Variants in RYR1 observed in about 807,000 individuals in gnomAD.
RYR1 encodes the protein central core disease of muscle.
In RYR1, 342 loss-of-function variants were observed where a neutral mutation model predicts 583.5. That is an observed-to-expected ratio of 0.59 (90% CI 0.54 to 0.64). The LOEUF (loss-of-function observed/expected upper bound fraction) is 0.64. Among genes scored for constraint, RYR1 ranks in the 30% least tolerant of loss-of-function variants. RYR1 has a pLI of 0.00. For missense variants in RYR1, 6,032 were observed against 6,917.2 expected (o/e 0.87, Z 4.54); for synonymous variants, 2,791 against 2,822.5 (o/e 0.99, Z 0.35).
intron 31 of RYR1, among the ~76,000 whole-genome samples, chr19:38,482,506 G>A (rs775314136): frequency 4.6e-5 from 7 of 152,162 alleles, no homozygotes; most frequent in East Asian, 1.9e-4. Context: ...GCTGAAGTGC[G>A]GTGGTGCAAT....
chr19:38,548,075 G>A lies in RYR1; in HGVS notation c.12095-158G>A, dbSNP rs180992075. The stretch of plus-strand genomic sequence containing the variant: ...CAGGATCAGCCAGGTTGGCACAGGA[G>A]GCTGACGCAGGTCAGGAAGGGACCT... On this transcript the variant is annotated intron_variant, in intron 88 of 105. Transcript: ENST00000359596. Among the ~76,000 whole-genome samples, 673 of 152,274 alleles carry A rather than the reference G, an allele frequency of 4.4e-3. 6 individuals carry two copies. Among genetic ancestry groups the A allele is most frequent in the African/African-American group, 0.015 (621 of 41,554 alleles).
At chr19:38,508,385 G>A (rs1255660317) in intron 58 of RYR1, among the ~76,000 whole-genome samples, 1 of 151,950 alleles carries the variant, frequency 6.6e-6, no homozygotes, top group Non-Finnish European at 1.5e-5. Context: ...CTAATTTTTT[G>A]TATTTTTTAG....
Position 38,527,049 on chromosome 19 carries a change from A to G in RYR1, c.10683A>G (p.Gly3561=). Residue 3561 remains glycine (G), a synonymous_variant, in exon 72 of 106, where the codon GGA becomes GGG. Coordinates refer to ENST00000359596, the MANE Select transcript of RYR1 (RefSeq NM_000540.3). The part of the protein sequence containing the change: ...EFLHNNLHLQ[G]KVEGSPSLRW... ...TGCACAACAACCTTCACCTTCAGGG[A>G]AAGGTATGCCTCCTTCCTCTGCAAG... The G allele has an allele frequency of 6.2e-7, 1 of 1,613,838 alleles. No homozygotes were observed. The highest frequency in any genetic ancestry group is 1.1e-5 in the South Asian group (1 of 91,066).
chr19:38,548,427 G>A lies in RYR1; in HGVS notation c.12282+7G>A. 6.2e-7 allele frequency: 1 copy of A among 1,612,678 alleles called. No homozygotes were observed. Among genetic ancestry groups the A allele is most frequent in the East Asian group, 2.2e-5 (1 of 44,852 alleles). On this transcript the variant is annotated splice_region_variant and intron_variant, in intron 89 of 105. Coordinates refer to ENST00000359596, the MANE Select transcript of RYR1 (RefSeq NM_000540.3). ...CAAGAAGGACTTCCAGAAGGTGGGT[G>A]TGGGACATCGTGTGGGCCCAGGACT... is the stretch of plus-strand genomic sequence containing the variant.
In RYR1 at chr19:38,587,486, C is replaced by T; in HGVS notation, c.*66C>T. On this transcript the variant is annotated 3_prime_UTR_variant, in exon 106 of 106. Transcript: ENST00000359596. The stretch of plus-strand genomic sequence containing the variant: ...TATTCTCACAGCAAGCCCCTTAGTC[C>T]CCAAGCCCCTCCCCCTAAGGCAGCT... 1 of 1,148,848 alleles carries T rather than the reference C, an allele frequency of 8.7e-7. No homozygotes were observed. Among genetic ancestry groups the T allele is most frequent in the East Asian group, 2.3e-5 (1 of 42,650 alleles). The allele number at this position is 1,148,848 out of a possible 1,614,324, so 71.2% of individuals were successfully genotyped here.
chr19:38,563,726 T>G (rs1042806566), intron 90 of RYR1, among the ~76,000 whole-genome samples: 3 of 152,234 alleles, frequency 2.0e-5, no homozygotes, highest in African/African-American at 7.2e-5. Flanking sequence ...ACCCAGCTAC[T>G]CAGTGGCAGA....
intron 105 of RYR1, 91 bp downstream of exon 105, chr19:38,586,667 A>G: frequency 7.9e-7 from 1 of 1,263,020 alleles, no homozygotes; most frequent in Non-Finnish European, 1.2e-6. Flanking sequence ...AGCTCCTATC[A>G]ATATCAAGGG....
intron 89 of RYR1, among the ~76,000 whole-genome samples, chr19:38,554,250 G>A (rs370859622): frequency 4.3e-4 from 60 of 138,628 alleles, no homozygotes; most frequent in African/African-American, 1.5e-3. Context: ...TCAGGAGTTC[G>A]AGACCAGCCT....
At chr19:38,535,905 C>T (rs1971941748) in intron 81 of RYR1, 92 bp from the exon 82 acceptor site, 1 of 1,157,082 alleles carries the variant, frequency 8.6e-7, no homozygotes, top group Non-Finnish European at 1.3e-6. Flanking sequence ...TGTGGCTCTC[C>T]AGGCTACCAT....
rs764839238 is a variant in RYR1, at chr19:38,517,564, C to A, written c.9891C>A (p.Pro3297=). The A allele has an allele frequency of 6.2e-7, 1 of 1,613,834 alleles. No individual in the cohort carries two copies. The highest frequency in any genetic ancestry group is 8.5e-7 in the Non-Finnish European group (1 of 1,179,850). Residue 3297 remains proline (P), a synonymous_variant, in exon 66 of 106, where the codon CCC becomes CCA. Coordinates refer to ENST00000359596, the MANE Select transcript of RYR1 (RefSeq NM_000540.3). ...RGPEAPPSAL[P]AGAPPPCTAV... ...CCGAGGCACCCCCTTCCGCCCTGCC[C>A]GCCGGCGCCCCCCCACCCTGCACAG...
chr19:38,492,672 GGGGT>G, intron 38 of RYR1, 36 bp downstream of exon 38: 1 of 1,550,326 alleles, frequency 6.5e-7, no homozygotes, highest in Non-Finnish European at 8.8e-7. Context: ...GGGCAGGGGT[GGGGT>G]GGGTAGCCCC....
chr19:38,449,219 G>A (rs1422582069), intron 11 of RYR1, among the ~76,000 whole-genome samples: 1 of 152,186 alleles, frequency 6.6e-6, no homozygotes, highest in Non-Finnish European at 1.5e-5. Context: ...TAGCACTTTG[G>A]GAGGCCCAGG....
chr19:38,581,568 C>T (rs1954344444), intron 101 of RYR1, among the ~76,000 whole-genome samples: 1 of 151,916 alleles, frequency 6.6e-6, no homozygotes, highest in South Asian at 2.1e-4. Flanking sequence ...ACCTCTTCGC[C>T]ATTGTTTCAA....
intron 101 of RYR1, among the ~76,000 whole-genome samples, chr19:38,582,597 G>T (rs1320276456): frequency 1.3e-5 from 2 of 152,070 alleles, no homozygotes; most frequent in African/African-American, 4.8e-5. Context: ...GTTGCAGTGT[G>T]CTATGACTGC....
Position 38,460,477 on chromosome 19 carries a change from T to A in RYR1, c.2463T>A (p.His821Gln), listed in dbSNP as rs757026349. The A allele has an allele frequency of 6.2e-7, 1 of 1,614,230 alleles. No homozygotes were observed. The highest frequency in any genetic ancestry group is 8.5e-7 in the Non-Finnish European group (1 of 1,180,038). Reference protein sequence around the residue: ...HEAVLPRERLHLEPIKEYRRE... With the variant: ...HEAVLPRERLQLEPIKEYRRE... ...CTGTGCTCCCTCGAGAGCGACTCCA[T>A]CTTGAACCCATCAAGGAGTATCGAC... Residue 821 changes from histidine to glutamine, a missense_variant, in exon 20 of 106, where the codon CAT (histidine) becomes CAA (glutamine). Around this residue, in one of 11 missense-constraint regions of RYR1, gnomAD observed 2,627 missense variants for 2,961.3 expected, o/e 0.89. Transcript: ENST00000359596.
rs1014124025 is a variant in RYR1, at chr19:38,564,517, CT to C, written c.12625-427del. Among the ~76,000 whole-genome samples, 150 of 143,580 alleles carry C rather than the reference CT, an allele frequency of 1.0e-3. 1 individual carries two copies. Among genetic ancestry groups the C allele is most frequent in the East Asian group, 3.4e-3 (17 of 4,940 alleles). The allele number at this position is 143,580 out of a possible 152,430, so 94.2% of individuals were successfully genotyped here. On this transcript the variant is annotated intron_variant, in intron 90 of 105. Coordinates refer to ENST00000359596, the MANE Select transcript of RYR1 (RefSeq NM_000540.3). ...CCTAGGAGACAGAGCTAGATCTTGT[CT>C]TTTTTTTTTTTTTTCTTGAGACAGA...
In RYR1 at chr19:38,517,593, T is replaced by C; in HGVS notation, c.9920T>C (p.Val3307Ala). The C allele has an allele frequency of 6.2e-7, 1 of 1,614,072 alleles. No homozygotes were observed. Among genetic ancestry groups the C allele is most frequent in the Non-Finnish European group, 8.5e-7 (1 of 1,179,936 alleles). Residue 3307 changes from valine (V) to alanine (A), a missense_variant, in exon 66 of 106, where the codon GTC (valine) becomes GCC (alanine). Val to Ala is a moderately conservative substitution (Grantham distance 64). Around this residue, in one of 11 missense-constraint regions of RYR1, gnomAD observed 1,493 missense variants for 1,715.5 expected, o/e 0.87. Coordinates refer to ENST00000359596, the MANE Select transcript of RYR1 (RefSeq NM_000540.3). ...PAGAPPPCTA[V>A]TSDHLNSLLG... Reference sequence around the variant, plus strand: ...GGCGCCCCCCCACCCTGCACAGCTGTCACCTCTGACCACCTCAACTCCCTG... The same window carrying C: ...GGCGCCCCCCCACCCTGCACAGCTGCCACCTCTGACCACCTCAACTCCCTG...
intron 12 of RYR1, 52 bp downstream of exon 12, chr19:38,451,937 C>A (rs766810329): frequency 6.2e-7 from 1 of 1,612,860 alleles, no homozygotes; most frequent in South Asian, 1.1e-5. Flanking sequence ...TCCCATGCTC[C>A]GGGCATCCAT....
Position 38,529,019 on chromosome 19 carries a change from G to A in RYR1, c.11103G>A (p.Leu3701=), listed in dbSNP as rs1287091551. Reference sequence around the variant, plus strand: ...AGAAGCCAGACCCCCTGCACCAGTTGGTCCTGCACTTCAGCCGCACTGCCC... The same window carrying A: ...AGAAGCCAGACCCCCTGCACCAGTTAGTCCTGCACTTCAGCCGCACTGCCC... ...EEKKPDPLHQ[L]VLHFSRTALT... The change falls in exon 76 of 106, where the codon TTG becomes TTA. Residue 3701 remains leucine, a synonymous_variant. Transcript: ENST00000359596. The A allele has an allele frequency of 1.9e-6, 3 of 1,613,970 alleles. No individual in the cohort carries two copies. Among genetic ancestry groups the A allele is most frequent in the African/African-American group, 1.3e-5 (1 of 75,046 alleles).
Sources: allele counts gnomAD v4.1 joint callset (sites outside exome capture counted in the v4.1 genomes callset), GRCh38; gene constraint gnomAD v4.1.1; regional missense constraint gnomAD v4.1.1; transcripts MANE v1.5; gene names NCBI Gene and HGNC (gene_info 2026-07-23, HGNC 2026-07-21).